Variants in ARHGAP22 observed in about 807,000 individuals in gnomAD.
ARHGAP22 encodes the protein Rho GTPase activating protein 22, also known as rho GTPase-activating protein 22.
Under a neutral mutation model 59.1 loss-of-function variants are expected in ARHGAP22, and 48 were observed. The observed-to-expected ratio is 0.81, with a 90% confidence interval of 0.64 to 1.03. The LOEUF (loss-of-function observed/expected upper bound fraction) is 1.03, where lower values mean the gene tolerates loss of function less well. Among genes scored for constraint, ARHGAP22 ranks in the 50% least tolerant of loss-of-function variants. The probability of loss-of-function intolerance (pLI) is 0.00; values close to 1 mark genes in which losing one functional copy is unlikely to be tolerated. For missense variants in ARHGAP22, 1,015 were observed against 958.7 expected (o/e 1.06, Z -0.78); for synonymous variants, 445 against 416.4 (o/e 1.07, Z -0.84).
intron 2 of ARHGAP22, among the ~76,000 whole-genome samples, chr10:48,567,790 G>T (rs1189919124): frequency 6.6e-6 from 1 of 152,038 alleles, no homozygotes; most frequent in Non-Finnish European, 1.5e-5. Context: ...GACAGATGAG[G>T]CCAACATCTG....
intron 2 of ARHGAP22, among the ~76,000 whole-genome samples, chr10:48,559,867 A>T (rs1183605947): frequency 6.6e-6 from 1 of 152,208 alleles, no homozygotes; most frequent in Admixed American, 6.5e-5. Flanking sequence ...AATCTTTGGA[A>T]TCTACTTATA....
chr10:48,567,114 A>G (rs2135447155), intron 2 of ARHGAP22, among the ~76,000 whole-genome samples: 1 of 152,218 alleles, frequency 6.6e-6, no homozygotes, highest in East Asian at 1.9e-4. Flanking sequence ...GTAAGCCAGG[A>G]CCTTGCACTA....
At chr10:48,526,386 G>A (rs1303580109) in intron 3 of ARHGAP22, among the ~76,000 whole-genome samples, 3 of 152,202 alleles carry the variant, frequency 2.0e-5, no homozygotes, top group Admixed American at 1.3e-4. Context: ...GAGAGAGAAG[G>A]GTTTTCCTGC....
intron 1 of ARHGAP22, among the ~76,000 whole-genome samples, chr10:48,636,049 A>ACT (rs890801827): frequency 2.6e-5 from 4 of 151,732 alleles, no homozygotes; most frequent in East Asian, 1.9e-4. Context: ...TCAGGTCCTT[A>ACT]CTCTCTCTCT....
intron 2 of ARHGAP22, among the ~76,000 whole-genome samples, chr10:48,573,911 C>G (rs917753732): frequency 6.6e-6 from 1 of 152,126 alleles, no homozygotes; most frequent in Non-Finnish European, 1.5e-5. Context: ...TTCATTCTAC[C>G]TTTTTGAGCC....
At chr10:48,641,409 G>A (rs892413644) in intron 1 of ARHGAP22, among the ~76,000 whole-genome samples, 3 of 152,078 alleles carry the variant, frequency 2.0e-5, no homozygotes, top group South Asian at 2.1e-4. Flanking sequence ...TATGCCACAC[G>A]CTTCATCCCT....
the ARHGAP22 span, chr10:48,438,086 G>T: frequency 6.6e-6 from 1 of 152,234 alleles, no homozygotes; most frequent in Non-Finnish European, 1.5e-5. Flanking sequence ...AACATTTTGA[G>T]GTTAGAACAT....
At chr10:48,610,520 C>T (rs2060841777) in intron 1 of ARHGAP22, among the ~76,000 whole-genome samples, 1 of 152,216 alleles carries the variant, frequency 6.6e-6, no homozygotes. Context: ...GCACTTGTCA[C>T]ACATCACCTT....
chr10:48,494,591 C>G (rs2050737309), intron 3 of ARHGAP22, among the ~76,000 whole-genome samples: 1 of 152,198 alleles, frequency 6.6e-6, no homozygotes, highest in Non-Finnish European at 1.5e-5. Flanking sequence ...GCTCATTTGT[C>G]TACCCATCTA....
chr10:48,572,155 C>T (rs187030144), intron 2 of ARHGAP22, among the ~76,000 whole-genome samples: 74 of 150,140 alleles, frequency 4.9e-4, no homozygotes, highest in African/African-American at 1.7e-3. Context: ...CAATAAGATA[C>T]CAAATTATAA....
intron 3 of ARHGAP22, among the ~76,000 whole-genome samples, chr10:48,535,696 T>C (rs1415502149): frequency 6.6e-6 from 1 of 152,216 alleles, no homozygotes; most frequent in Non-Finnish European, 1.5e-5. Context: ...CCCAAGCTGG[T>C]GCGTTGCCAC....
intron 1 of ARHGAP22, among the ~76,000 whole-genome samples, chr10:48,640,429 A>G (rs1310211945): frequency 6.6e-6 from 1 of 152,228 alleles, no homozygotes; most frequent in Non-Finnish European, 1.5e-5. Flanking sequence ...ACCTCAGCAC[A>G]TTAGAGACAA....
chr10:48,439,759 G>T, the ARHGAP22 span, among the ~76,000 whole-genome samples: 1 of 152,140 alleles, frequency 6.6e-6, no homozygotes, highest in East Asian at 1.9e-4. Flanking sequence ...CTTTGCCTAC[G>T]TTGGGTCTGC....
At chr10:48,597,322 C>T (rs770685462) in intron 1 of ARHGAP22, among the ~76,000 whole-genome samples, 4 of 151,942 alleles carry the variant, frequency 2.6e-5, no homozygotes, top group African/African-American at 4.8e-5. Flanking sequence ...CCTGTTTCCA[C>T]ACATGAAAAG....
intron 1 of ARHGAP22, among the ~76,000 whole-genome samples, chr10:48,616,848 A>G (rs2061099588): frequency 1.3e-5 from 2 of 152,136 alleles, no homozygotes; most frequent in South Asian, 4.1e-4. Context: ...CCTTCAGGCT[A>G]AATGAAAAGA....
rs527572556 is a variant in ARHGAP22 at position 48,595,405 on chromosome 10, C to T, written c.34+9358G>A. 2.0e-5 allele frequency among the ~76,000 whole-genome samples: 3 copies of T among 152,320 alleles called. No individual in the cohort carries two copies. The South Asian group carries it at 6.2e-4, about 32-fold the overall frequency. On this transcript the variant is annotated intron_variant, in intron 1 of 9. Coordinates refer to ENST00000249601, the MANE Select transcript of ARHGAP22 (RefSeq NM_021226.4). ...ATTTGCTGCCAAGGGCAAAGGGGAC[C>T]TCCTTCCGGGTCCCACACCGTCCTG...
At chr10:48,481,670 T>C (rs553254326) in intron 3 of ARHGAP22, among the ~76,000 whole-genome samples, 1 of 152,326 alleles carries the variant, frequency 6.6e-6, no homozygotes, top group Non-Finnish European at 1.5e-5. Context: ...TTTTTATATA[T>C]GCATAACTGT....
At position 48,558,354 on chromosome 10, in the gene ARHGAP22, T is replaced by TTTTTGTTTTG. The variant is rs777569383; in HGVS notation, c.235-2814_235-2805dup. ...TGCGATTTAATGTTTTTTTTTTGTTTTTTTGTTTTGTTTTGTTTTGTTTTG... is the reference window on the plus strand; with the variant it reads ...TGCGATTTAATGTTTTTTTTTTGTTTTTTTGTTTTGTTTTGTTTTGTTTTGTTTTGTTTTG... On this transcript the variant is annotated intron_variant, in intron 2 of 9. Transcript: ENST00000249601. 9.2e-3 allele frequency among the ~76,000 whole-genome samples: 1,382 copies of TTTTTGTTTTG among 150,770 alleles called. 24 individuals carry two copies. The highest frequency in any genetic ancestry group is 0.032 in the African/African-American group (1,319 of 41,024).
intron 3 of ARHGAP22, among the ~76,000 whole-genome samples, chr10:48,548,963 G>A (rs544999452): frequency 6.2e-4 from 94 of 152,302 alleles, no homozygotes; most frequent in African/African-American, 1.9e-3. Context: ...ACCGGCCCTC[G>A]GATCCCAGCA....
Sources: gnomAD v4.1 joint callset for allele counts (sites outside exome capture counted in the v4.1 genomes callset) on GRCh38, gnomAD v4.1.1 for gene constraint, MANE v1.5 for transcripts, NCBI Gene and HGNC (gene_info 2026-07-23, HGNC 2026-07-21) for gene names.